Variants in ATXN7 observed in about 807,000 individuals in gnomAD.
ATXN7 encodes ataxin 7.
A neutral mutation model predicts 70.5 loss-of-function variants in ATXN7; 12 were observed. The ratio of observed to expected loss-of-function variants is 0.17; its 90% CI spans 0.11 to 0.28. ATXN7 has a LOEUF of 0.28. Among genes scored for constraint, ATXN7 ranks in the 10% least tolerant of loss-of-function variants. ATXN7 has a pLI of 1.00. For missense variants in ATXN7, 1,256 were observed against 1,131.7 expected (o/e 1.11, Z -1.58); for synonymous variants, 498 against 448.7 (o/e 1.11, Z -1.39).
intron 1 of ATXN7, among the ~76,000 whole-genome samples, chr3:63,882,508 G>C (rs999213577): frequency 6.6e-6 from 1 of 150,944 alleles, no homozygotes; most frequent in Non-Finnish European, 1.5e-5. Context: ...TCTCAGTCTC[G>C]CAAGTAGTTG....
At chr3:63,939,427 C>T (rs1290463214) in intron 4 of ATXN7, among the ~76,000 whole-genome samples, 1 of 152,148 alleles carries the variant, frequency 6.6e-6, no homozygotes, top group Non-Finnish European at 1.5e-5. Context: ...AAGCACCTCC[C>T]TTCCCCATAC....
At chr3:63,869,434 G>GTT (rs369506597) in intron 1 of ATXN7, among the ~76,000 whole-genome samples, 1 of 150,794 alleles carries the variant, frequency 6.6e-6, no homozygotes, top group Non-Finnish European at 1.5e-5. Flanking sequence ...TTTTCTTTTT[G>GTT]TTTTTTTTTG....
At chr3:63,937,260 T>C (rs2074679430) in intron 4 of ATXN7, among the ~76,000 whole-genome samples, 1 of 152,220 alleles carries the variant, frequency 6.6e-6, no homozygotes, top group Non-Finnish European at 1.5e-5. Flanking sequence ...AAAGGCTTAG[T>C]AGGGGAAAAG....
At chr3:63,967,979 A>T in intron 5 of ATXN7, 2 of 1,535,014 alleles carry the variant, frequency 1.3e-6, no homozygotes, top group Non-Finnish European at 8.7e-7. Context: ...CCACTGGGTA[A>T]GTTTTCTGAG....
chr3:63,925,721 A>C (rs573766585), intron 4 of ATXN7, among the ~76,000 whole-genome samples: 1 of 152,210 alleles, frequency 6.6e-6, no homozygotes, highest in Non-Finnish European at 1.5e-5. Flanking sequence ...AATCTCAGCA[A>C]CTTGAGGTGG....
intron 4 of ATXN7, among the ~76,000 whole-genome samples, chr3:63,937,001 A>G (rs1406100540): frequency 1.3e-5 from 2 of 152,232 alleles, no homozygotes; most frequent in Non-Finnish European, 2.9e-5. Flanking sequence ...AAGAAAGGCA[A>G]CAAGCTCAAT....
intron 4 of ATXN7, among the ~76,000 whole-genome samples, chr3:63,937,277 T>A (rs2074679643): frequency 6.6e-6 from 1 of 152,138 alleles, no homozygotes; most frequent in Non-Finnish European, 1.5e-5. Flanking sequence ...AAAGAATAGT[T>A]TCTGTTGGTT....
rs541092375 is a variant in ATXN7, at chr3:63,999,801, TC to T, written c.*335del. 8.8e-4 allele frequency: 408 copies of T among 462,300 alleles called. No individual in the cohort carries two copies. Among genetic ancestry groups the T allele is most frequent in the Non-Finnish European group, 1.4e-3 (348 of 255,398 alleles). The allele number at this position is 462,300 out of a possible 1,614,324, so 28.6% of individuals were successfully genotyped here. ...TTGCAGTATATCACAGAGCCACTCTTCAAGTAGATTGGCTGGGCAAAAGAAT... is the reference window on the plus strand; with the variant it reads ...TTGCAGTATATCACAGAGCCACTCTTAAGTAGATTGGCTGGGCAAAAGAAT... On this transcript the variant is annotated 3_prime_UTR_variant, in exon 13 of 13. Coordinates refer to ENST00000674280, the MANE Select transcript of ATXN7 (RefSeq NM_001377405.1).
chr3:63,994,103 A>C (rs1040914913), intron 11 of ATXN7, among the ~76,000 whole-genome samples: 1 of 152,180 alleles, frequency 6.6e-6, no homozygotes, highest in Non-Finnish European at 1.5e-5. Context: ...CACTCCCCGC[A>C]GAGACGCTGG....
At position 63,941,005 on chromosome 3, in the gene ATXN7, C is replaced by A. The variant is rs780225739; in HGVS notation, c.395-11374C>A. The stretch of plus-strand genomic sequence containing the variant: ...CTGTCGTGTGTACTGCCATGTTGGT[C>A]ACTGTTGTAGCCCCACCTGCCATTC... On this transcript the variant is annotated intron_variant, in intron 4 of 12. Transcript: ENST00000674280. 4.6e-5 allele frequency among the ~76,000 whole-genome samples: 7 copies of A among 152,114 alleles called. No individual in the cohort carries two copies. The South Asian group carries it at 1.0e-3, about 23-fold the overall frequency.
chr3:63,991,037 A>G (rs921298344), intron 11 of ATXN7, 178 bp downstream of exon 11: 14 of 841,410 alleles, frequency 1.7e-5, no homozygotes, highest in East Asian at 2.8e-5. Flanking sequence ...CCACAACTAC[A>G]TATTGTTGTG....
intron 11 of ATXN7, 118 bp from the exon 12 acceptor site, chr3:63,995,387 A>T (rs1226885520): frequency 2.7e-6 from 3 of 1,116,870 alleles, no homozygotes; most frequent in Non-Finnish European, 3.9e-6. Flanking sequence ...TGTAGTTCAG[A>T]GTGATTGCTT....
chr3:63,974,674 C>G (rs1014529953), intron 5 of ATXN7, among the ~76,000 whole-genome samples: 5 of 152,188 alleles, frequency 3.3e-5, no homozygotes, highest in Admixed American at 2.6e-4. Context: ...CCATGTAAAT[C>G]CCGTAGCATG....
intron 4 of ATXN7, among the ~76,000 whole-genome samples, chr3:63,929,265 C>G (rs1704839796): frequency 6.7e-6 from 1 of 149,670 alleles, no homozygotes; most frequent in South Asian, 2.1e-4. Flanking sequence ...CTCTCTCTCT[C>G]TCTCTTTTTT....
chr3:64,002,425 G>A lies in ATXN7; in HGVS notation c.*2958G>A, dbSNP rs1216406156. 7 of 152,322 alleles carry A rather than the reference G, an allele frequency of 4.6e-5. No homozygotes were observed. In the East Asian group the frequency reaches 7.7e-4, roughly 17 times the overall value. 9.4% of individuals were successfully genotyped at this position (152,322 alleles called of 1,614,324 possible). A position where few individuals can be genotyped will look rare whatever the true frequency, so the allele number is the denominator to read the frequency against. On this transcript the variant is annotated 3_prime_UTR_variant, in exon 13 of 13. Transcript: ENST00000674280. ...CTTCTTCCTGGTTGCCTGGTTTCCC[G>A]ATAGACTACATGTAACTAAGTGACA...
At chr3:63,974,494 T>G (rs1000156081) in intron 5 of ATXN7, among the ~76,000 whole-genome samples, 4 of 152,256 alleles carry the variant, frequency 2.6e-5, no homozygotes, top group Non-Finnish European at 5.9e-5. Context: ...TTCACCCAGG[T>G]GCTGGAGTCA....
At chr3:63,925,686 G>A (rs561804162) in intron 4 of ATXN7, among the ~76,000 whole-genome samples, 2 of 152,306 alleles carry the variant, frequency 1.3e-5, no homozygotes, top group Admixed American at 6.5e-5. Flanking sequence ...CCTGGATAGT[G>A]GGAGTGTGTG....
At chr3:63,885,157 A>G (rs1027996777) in intron 1 of ATXN7, among the ~76,000 whole-genome samples, 4 of 152,242 alleles carry the variant, frequency 2.6e-5, no homozygotes, top group African/African-American at 9.6e-5. Context: ...AACAAAGGAA[A>G]TAGTCAACAG....
At chr3:63,970,339 G>A (rs756315497) in intron 5 of ATXN7, among the ~76,000 whole-genome samples, 6 of 151,974 alleles carry the variant, frequency 3.9e-5, no homozygotes, top group African/African-American at 9.7e-5. Context: ...TAAAAAGGGC[G>A]TCCTTCAGGA....
Sources: gnomAD v4.1 joint callset for allele counts (sites outside exome capture counted in the v4.1 genomes callset) on GRCh38, gnomAD v4.1.1 for gene constraint, MANE v1.5 for transcripts, NCBI Gene and HGNC (gene_info 2026-07-23, HGNC 2026-07-21) for gene names.